CPA3: variants seen among roughly 807,000 people sequenced by gnomAD.
CPA3 encodes mast cell carboxypeptidase A.
A neutral mutation model predicts 55.8 loss-of-function variants in CPA3; 52 were observed. The ratio of observed to expected loss-of-function variants is 0.93; its 90% CI spans 0.75 to 1.17. The LOEUF is 1.17. Among genes scored for constraint, CPA3 ranks in the 50% most tolerant of loss-of-function variants. CPA3 has a pLI of 0.00. For missense variants in CPA3, 547 were observed against 509.1 expected, an observed-to-expected ratio of 1.07 and a Z score of -0.72; for synonymous variants, 179 against 171.2, an observed-to-expected ratio of 1.05 and a Z score of -0.36.
intron 10 of CPA3, 54 bp from the exon 11 acceptor site, chr3:148,896,465 TA>T (rs397947100): frequency 1.4e-6 from 2 of 1,411,572 alleles, no homozygotes; most frequent in Non-Finnish European, 1.9e-6. Flanking sequence ...ATTTCCACTT[TA>T]AAAAAACATT....
rs751513384 is a variant in CPA3, at chr3:148,896,623, A to G, written c.1170A>G (p.Pro390=). 3.3e-5 allele frequency: 53 copies of G among 1,592,714 alleles called. No homozygotes were observed. Among genetic ancestry groups the G allele is most frequent in the Non-Finnish European group, 4.3e-5 (50 of 1,163,766 alleles). Residue 390 remains proline, a synonymous_variant, in exon 11 of 11, where the codon CCA becomes CCG. Coordinates refer to ENST00000296046, the MANE Select transcript of CPA3 (RefSeq NM_001870.4). The part of the protein sequence containing the change: ...RDKGKFGFLL[P]ESRIKPTCRE... The stretch of plus-strand genomic sequence containing the variant: ...AAGGCAAATTTGGTTTTCTCCTTCC[A>G]GAATCCCGGATAAAGCCAACGTGCA...
chr3:148,884,878 A>T (rs959363686), intron 9 of CPA3, among the ~76,000 whole-genome samples: 8 of 151,948 alleles, frequency 5.3e-5, no homozygotes, highest in Admixed American at 3.9e-4. Flanking sequence ...CAAAAAAAAA[A>T]ACCACTTTGA....
chr3:148,890,716 T>C (rs1379033594), intron 10 of CPA3, among the ~76,000 whole-genome samples: 1 of 152,212 alleles, frequency 6.6e-6, no homozygotes, highest in Non-Finnish European at 1.5e-5. Flanking sequence ...TTTAAAACGA[T>C]ACAATTTTTC....
chr3:148,872,986 C>T (rs971839761), intron 3 of CPA3, among the ~76,000 whole-genome samples: 1 of 151,410 alleles, frequency 6.6e-6, no homozygotes, highest in Non-Finnish European at 1.5e-5. Context: ...TGACTGGGAT[C>T]GTAAAGTTGC....
At chr3:148,867,675 T>C (rs555582772) in intron 2 of CPA3, among the ~76,000 whole-genome samples, 2 of 152,324 alleles carry the variant, frequency 1.3e-5, no homozygotes, top group East Asian at 1.9e-4. Flanking sequence ...GGTTGGTTCA[T>C]AGCAGCCTCA....
chr3:148,886,438 A>G (rs1348851019), intron 10 of CPA3, among the ~76,000 whole-genome samples: 1 of 152,104 alleles, frequency 6.6e-6, no homozygotes, highest in African/African-American at 2.4e-5. Flanking sequence ...GTCAAGACAG[A>G]TTTACAGTTT....
intron 3 of CPA3, among the ~76,000 whole-genome samples, chr3:148,869,663 T>C (rs1450146760): frequency 6.6e-6 from 1 of 152,144 alleles, no homozygotes; most frequent in Non-Finnish European, 1.5e-5. Context: ...AAATGAGTCA[T>C]TCTGGCCCCA....
intron 2 of CPA3, among the ~76,000 whole-genome samples, chr3:148,865,790 T>C (rs1713886246): frequency 6.6e-6 from 1 of 152,182 alleles, no homozygotes; most frequent in Non-Finnish European, 1.5e-5. Context: ...TTTTTCAAGG[T>C]AAAACTATGA....
chr3:148,877,498 A>G (rs556238249), intron 3 of CPA3, among the ~76,000 whole-genome samples: 3 of 152,258 alleles, frequency 2.0e-5, no homozygotes, highest in Non-Finnish European at 2.9e-5. Context: ...CCATCTAAAA[A>G]AAAAAGAAAG....
chr3:148,876,511 A>G (rs946118966), intron 3 of CPA3, among the ~76,000 whole-genome samples: 1 of 151,840 alleles, frequency 6.6e-6, no homozygotes, highest in Admixed American at 6.6e-5. Context: ...CGAGTAGCTG[A>G]GACTACAGGT....
chr3:148,896,296 A>G (rs1381450585), intron 10 of CPA3, among the ~76,000 whole-genome samples: 1 of 152,160 alleles, frequency 6.6e-6, no homozygotes, highest in African/African-American at 2.4e-5. Flanking sequence ...TACTCACCCA[A>G]CCAAAATGTA....
At position 148,878,583 on chromosome 3, in the gene CPA3, T is replaced by C. The variant is rs376921076; in HGVS notation, c.372+40T>C. On this transcript the variant is annotated intron_variant, in intron 4 of 10. Coordinates refer to ENST00000296046, the MANE Select transcript of CPA3 (RefSeq NM_001870.4). The stretch of plus-strand genomic sequence containing the variant: ...GCCTGTACTTTTTTTTAAGTTACCC[T>C]TAATATTTATTGTCATTTTGTTTTC... 1.1e-3 allele frequency: 1,646 copies of C among 1,559,772 alleles called. 3 individuals carry two copies. The highest frequency in any genetic ancestry group is 1.0e-3 in the Non-Finnish European group (1,163 of 1,137,046).
intron 2 of CPA3, among the ~76,000 whole-genome samples, chr3:148,868,525 T>C (rs907036993): frequency 6.6e-6 from 1 of 152,182 alleles, no homozygotes; most frequent in Non-Finnish European, 1.5e-5. Flanking sequence ...CATCAGGTTT[T>C]GAGGACTAAC....
rs763675729 is a variant in CPA3 at position 148,886,097 on chromosome 3, A to G, written c.986A>G (p.Lys329Arg). ...CTAACTTTCCTTTCTCTCCAGGCCA[A>G]AGTTGCAAAGATTGGCACTGATGTT... ...KLPPNHEDLA[K>R]VAKIGTDVLS... The change falls in exon 10 of 11, where the codon AAA becomes AGA. Residue 329 changes from lysine to arginine, a missense_variant. By Grantham distance (26) the Lys-to-Arg change is conservative. Coordinates refer to ENST00000296046, the MANE Select transcript of CPA3 (RefSeq NM_001870.4). 2 of 1,612,442 alleles carry G rather than the reference A, an allele frequency of 1.2e-6. No homozygotes were observed. The highest frequency in any genetic ancestry group is 2.2e-5 in the South Asian group (2 of 90,950).
At chr3:148,892,469 A>G (rs1224034756) in intron 10 of CPA3, among the ~76,000 whole-genome samples, 2 of 152,084 alleles carry the variant, frequency 1.3e-5, no homozygotes, top group East Asian at 3.9e-4. Context: ...CCTGGCCAAC[A>G]TGGTGAAACC....
rs1410831699 is a variant in CPA3 at position 148,869,144 on chromosome 3, G to C, written c.269+105G>C. 6.3e-6 allele frequency: 8 copies of C among 1,276,264 alleles called. No individual in the cohort carries two copies. In the Admixed American group the frequency reaches 9.0e-5, roughly 14 times the overall value. 79.1% of individuals were successfully genotyped at this position (1,276,264 alleles called of 1,614,324 possible). A position where few individuals can be genotyped will look rare whatever the true frequency, so the allele number is the denominator to read the frequency against. On this transcript the variant is annotated intron_variant, in intron 3 of 10. Coordinates refer to ENST00000296046, the MANE Select transcript of CPA3 (RefSeq NM_001870.4). ...GACCTATTTTTAATTGGGCCCCCCA[G>C]AACGAAAGCTCTTTCTGTAAGATAC...
rs528150649 is a variant in CPA3 at position 148,896,532 on chromosome 3, G to A, written c.1079G>A (p.Gly360Asp). The change falls in exon 11 of 11, where the codon GGT becomes GAT. Residue 360 changes from glycine (G) to aspartate (D), a missense_variant. Physicochemically the swap from Gly to Asp is moderately conservative, Grantham distance 94. Transcript: ENST00000296046. ...TTGTGTTTTACAGACCCGATATCAG[G>A]TTCTTCTTTAGACTGGGCTTATGAC... The part of the protein sequence containing the change: ...PIESTIYPIS[G>D]SSLDWAYDLG... 6.6e-7 allele frequency: 1 copy of A among 1,508,278 alleles called. No individual in the cohort carries two copies. The highest frequency in any genetic ancestry group is 9.0e-7 in the Non-Finnish European group (1 of 1,107,784). 93.4% of individuals were successfully genotyped at this position (1,508,278 alleles called of 1,614,324 possible). A position where few individuals can be genotyped will look rare whatever the true frequency, so the allele number is the denominator to read the frequency against.
intron 10 of CPA3, among the ~76,000 whole-genome samples, chr3:148,892,187 TC>T (rs1714689326): frequency 6.6e-6 from 1 of 152,116 alleles, no homozygotes; most frequent in South Asian, 2.1e-4. Flanking sequence ...TATGGATACT[TC>T]CTCAGGTTCT....
Position 148,896,980 on chromosome 3 carries a change from G to A in CPA3, c.*273G>A. 1 of 261,144 alleles carries A rather than the reference G, an allele frequency of 3.8e-6. No homozygotes were observed. The highest frequency in any genetic ancestry group is 7.2e-6 in the Non-Finnish European group (1 of 138,694). 16.2% of individuals were successfully genotyped at this position (261,144 alleles called of 1,614,324 possible). On this transcript the variant is annotated 3_prime_UTR_variant, in exon 11 of 11. Transcript: ENST00000296046. ...TATTTTGAAAGGTGATATACAGTGG[G>A]GCACAGAAAACAAATGAAAACCTTC...
Sources: allele counts gnomAD v4.1 joint callset (sites outside exome capture counted in the v4.1 genomes callset), GRCh38; gene constraint gnomAD v4.1.1; transcripts MANE v1.5; gene names NCBI Gene and HGNC (gene_info 2026-07-23, HGNC 2026-07-21).